The following ARMC2 variants were observed in gnomAD, a reference collection of about 807,000 sequenced individuals.
ARMC2 encodes the protein armadillo repeat containing 2, also known as armadillo repeat-containing protein 2.
In ARMC2, 67 loss-of-function variants were observed where a neutral mutation model predicts 90.3. The observed-to-expected ratio is 0.74, with a 90% confidence interval of 0.61 to 0.91. The LOEUF (loss-of-function observed/expected upper bound fraction) is 0.91, where lower values mean the gene tolerates loss of function less well. Among genes scored for constraint, ARMC2 ranks in the 40% least tolerant of loss-of-function variants. The probability of loss-of-function intolerance (pLI) is 0.00; values close to 1 mark genes in which losing one functional copy is unlikely to be tolerated. For missense variants in ARMC2, 920 were observed against 1,030.9 expected (o/e 0.89, Z 1.47); for synonymous variants, 393 against 393.0 (o/e 1.00, Z 0.00).
chr6:108,906,684 T>A (rs1001966917), intron 8 of ARMC2, among the ~76,000 whole-genome samples: 4 of 152,176 alleles, frequency 2.6e-5, no homozygotes, highest in African/African-American at 9.7e-5. Flanking sequence ...GGGGTCTCGC[T>A]ATGATGCCCA....
intron 8 of ARMC2, among the ~76,000 whole-genome samples, chr6:108,908,404 A>T (rs1408619949): frequency 6.6e-6 from 1 of 152,232 alleles, no homozygotes; most frequent in Non-Finnish European, 1.5e-5. Flanking sequence ...CGCCTGGTAC[A>T]CATCAGGTGC....
In ARMC2 at chr6:108,861,692, C is replaced by G. The variant is rs1303118793; in HGVS notation, c.291+3421C>G. ...CACATGGCTTGTTAACGTCTACAACCTTGGGAACCACTTGGGTTTTGAGCC... is the reference window on the plus strand; with the variant it reads ...CACATGGCTTGTTAACGTCTACAACGTTGGGAACCACTTGGGTTTTGAGCC... On this transcript the variant is annotated intron_variant, in intron 3 of 17. Transcript: ENST00000392644. 2.0e-5 allele frequency among the ~76,000 whole-genome samples: 3 copies of G among 152,294 alleles called. No homozygotes were observed. In the East Asian group the frequency reaches 5.8e-4, roughly 29 times the overall value.
chr6:108,868,677 G>A lies in ARMC2; in HGVS notation c.292-147G>A, dbSNP rs1776078850. 4.5e-6 allele frequency: 3 copies of A among 665,280 alleles called. No homozygotes were observed. In the South Asian group the frequency reaches 5.9e-5, roughly 13 times the overall value. The allele number at this position is 665,280 out of a possible 1,614,324, so 41.2% of individuals were successfully genotyped here. ...ACATATATCACATTATGTAAGATGG[G>A]CCAGTGAGTTGGTAGAATCAGGAAG... On this transcript the variant is annotated intron_variant, in intron 3 of 17. Transcript: ENST00000392644.
At chr6:108,896,426 T>C (rs1372608639) in intron 6 of ARMC2, among the ~76,000 whole-genome samples, 1 of 152,214 alleles carries the variant, frequency 6.6e-6, no homozygotes, top group African/African-American at 2.4e-5. Context: ...GTGTGTATCT[T>C]AAAAAGCAAT....
At chr6:108,982,268 T>C in the ARMC2 span, among the ~76,000 whole-genome samples, 1 of 152,228 alleles carries the variant, frequency 6.6e-6, no homozygotes, top group Non-Finnish European at 1.5e-5. Flanking sequence ...GTCAAGGTGC[T>C]GGCCAGTTCA....
At position 108,887,990 on chromosome 6, in the gene ARMC2, A is replaced by G. The variant is rs993755890; in HGVS notation, c.672-6477A>G. 1.4e-4 allele frequency among the ~76,000 whole-genome samples: 22 copies of G among 152,270 alleles called. 1 individual carries two copies. Among genetic ancestry groups the G allele is most frequent in the African/African-American group, 5.1e-4 (21 of 41,548 alleles). ...GTGAACATGCAGGAAAAGATTAGAGACACCCACCACTGTGACGTGACCACC... is the reference window on the plus strand; with the variant it reads ...GTGAACATGCAGGAAAAGATTAGAGGCACCCACCACTGTGACGTGACCACC... On this transcript the variant is annotated intron_variant, in intron 5 of 17. Transcript: ENST00000392644.
chr6:109,009,023 T>C, the ARMC2 span: 3 of 1,004,804 alleles, frequency 3.0e-6, no homozygotes, highest in Non-Finnish European at 3.6e-6. Context: ...ATTTCTGACT[T>C]GTGGAGACTT....
chr6:108,926,080 A>T (rs993263048), intron 10 of ARMC2, among the ~76,000 whole-genome samples: 1 of 152,174 alleles, frequency 6.6e-6, no homozygotes, highest in Non-Finnish European at 1.5e-5. Context: ...TCTGCTGGCA[A>T]TGTCCCTTGC....
intron 3 of ARMC2, among the ~76,000 whole-genome samples, chr6:108,862,282 T>A (rs1337813038): frequency 6.8e-6 from 1 of 146,836 alleles, no homozygotes; most frequent in Non-Finnish European, 1.5e-5. Context: ...AGGCAGAGGT[T>A]GCAGTGAGCC....
chr6:108,859,294 G>C (rs2128419484), intron 3 of ARMC2, among the ~76,000 whole-genome samples: 1 of 152,116 alleles, frequency 6.6e-6, no homozygotes, highest in Middle Eastern at 3.4e-3. Flanking sequence ...AGCTCTCCTG[G>C]GGTGCCCCTC....
intron 10 of ARMC2, among the ~76,000 whole-genome samples, chr6:108,922,079 G>C (rs927396684): frequency 2.0e-5 from 3 of 152,176 alleles, no homozygotes; most frequent in Non-Finnish European, 4.4e-5. Context: ...CTTGAGGACA[G>C]AGTACTCTGA....
chr6:108,985,722 A>G, the ARMC2 span, among the ~76,000 whole-genome samples: 2 of 152,318 alleles, frequency 1.3e-5, no homozygotes, highest in East Asian at 3.9e-4. Flanking sequence ...AAGAGGAGGA[A>G]CAAAGAGCAG....
the ARMC2 span, among the ~76,000 whole-genome samples, chr6:109,052,513 AAT>A: frequency 1.4e-3 from 206 of 152,292 alleles, no homozygotes; most frequent in African/African-American, 4.7e-3. Context: ...CATTACTTAA[AAT>A]AGTTTATCTA....
chr6:109,039,457 A>T, the ARMC2 span, among the ~76,000 whole-genome samples: 1 of 152,258 alleles, frequency 6.6e-6, no homozygotes, highest in Non-Finnish European at 1.5e-5. Flanking sequence ...TTTCAGTTCA[A>T]GATGAGGTCC....
chr6:109,020,959 T>C, the ARMC2 span, among the ~76,000 whole-genome samples: 4 of 152,312 alleles, frequency 2.6e-5, no homozygotes, highest in Non-Finnish European at 5.9e-5. Context: ...TGCTTTGTCA[T>C]TATCATTAAT....
At chr6:109,041,900 T>A in the ARMC2 span, among the ~76,000 whole-genome samples, 1 of 152,154 alleles carries the variant, frequency 6.6e-6, no homozygotes, top group Admixed American at 6.5e-5. Context: ...ATACATAGCC[T>A]TTTAGCATGC....
intron 10 of ARMC2, among the ~76,000 whole-genome samples, chr6:108,921,271 C>A (rs966763506): frequency 2.6e-5 from 4 of 152,268 alleles, no homozygotes; most frequent in African/African-American, 9.6e-5. Flanking sequence ...AGTGAAGTAA[C>A]TGGCATAGAG....
chr6:109,046,023 A>G, the ARMC2 span, among the ~76,000 whole-genome samples: 3 of 152,362 alleles, frequency 2.0e-5, no homozygotes, highest in South Asian at 2.1e-4. Flanking sequence ...AATAATTCAT[A>G]TACTTTGGAA....
the ARMC2 span, among the ~76,000 whole-genome samples, chr6:109,023,587 T>C: frequency 6.6e-6 from 1 of 152,160 alleles, no homozygotes; most frequent in Non-Finnish European, 1.5e-5. Context: ...GTGCAAGGAT[T>C]TGGGGAAGTA....
Sources: gnomAD v4.1 joint callset for allele counts (sites outside exome capture counted in the v4.1 genomes callset) on GRCh38, gnomAD v4.1.1 for gene constraint, MANE v1.5 for transcripts, NCBI Gene and HGNC (gene_info 2026-07-23, HGNC 2026-07-21) for gene names.